The following CHLSN variants were observed in gnomAD, a reference collection of about 807,000 sequenced individuals.
The protein encoded by CHLSN is protein cholesin.
At chr7:997,821 T>C in the CHLSN span, 2 of 1,599,956 alleles carry the variant, frequency 1.3e-6, no homozygotes, top group South Asian at 1.1e-5. Context: ...GGGAAAGAGA[T>C]CGAGTTGGTC....
At chr7:1,051,453 C>CT in the CHLSN span, among the ~76,000 whole-genome samples, 1 of 152,250 alleles carries the variant, frequency 6.6e-6, no homozygotes, top group South Asian at 2.1e-4. Flanking sequence ...GCTGTACACT[C>CT]TGAGGCCAGC....
At chr7:1,000,054 T>G in the CHLSN span, among the ~76,000 whole-genome samples, 1 of 152,202 alleles carries the variant, frequency 6.6e-6, no homozygotes, top group Non-Finnish European at 1.5e-5. Context: ...CACGTGCAGG[T>G]GGCCTCCCTA....
the CHLSN span, among the ~76,000 whole-genome samples, chr7:1,049,747 G>C: frequency 6.6e-6 from 1 of 152,224 alleles, no homozygotes; most frequent in Non-Finnish European, 1.5e-5. Context: ...GCAGCGGCTG[G>C]AATCAGTGGT....
the CHLSN span, chr7:1,127,115 G>C: frequency 3.5e-6 from 3 of 864,122 alleles, no homozygotes; most frequent in Non-Finnish European, 5.0e-6. Flanking sequence ...GCTTCTGGAA[G>C]GCACCAAGCC....
the CHLSN span, among the ~76,000 whole-genome samples, chr7:1,136,038 A>G: frequency 8.4e-6 from 1 of 119,410 alleles, no homozygotes; most frequent in South Asian, 2.4e-4. Context: ...ATATATGTAT[A>G]AATATATAAG....
At chr7:1,130,288 G>A in the CHLSN span, among the ~76,000 whole-genome samples, 4 of 152,240 alleles carry the variant, frequency 2.6e-5, no homozygotes, top group African/African-American at 9.6e-5. Context: ...GAGGCCACCA[G>A]ACTTGGGAGC....
the CHLSN span, among the ~76,000 whole-genome samples, chr7:1,002,347 G>A: frequency 7.6e-6 from 1 of 132,040 alleles, no homozygotes; most frequent in Non-Finnish European, 1.6e-5. Context: ...CCCTGTGGGT[G>A]GGGAGTCCTG....
At chr7:1,029,600 C>G in the CHLSN span, among the ~76,000 whole-genome samples, 1 of 152,230 alleles carries the variant, frequency 6.6e-6, no homozygotes, top group African/African-American at 2.4e-5. Context: ...GGGAGCCGCA[C>G]TGGCCACCCA....
chr7:994,333 G>T, the CHLSN span, among the ~76,000 whole-genome samples: 1 of 151,774 alleles, frequency 6.6e-6, no homozygotes, highest in Non-Finnish European at 1.5e-5. Context: ...GCTAATTTTT[G>T]TATTTTTAGT....
At chr7:1,008,416 C>T in the CHLSN span, among the ~76,000 whole-genome samples, 3 of 152,222 alleles carry the variant, frequency 2.0e-5, no homozygotes, top group African/African-American at 4.8e-5. Flanking sequence ...CTGGGCCAAG[C>T]GCGTTCTTGG....
At chr7:1,076,144 A>C in the CHLSN span, 1 of 152,550 alleles carries the variant, frequency 6.6e-6, no homozygotes, top group Non-Finnish European at 1.5e-5. Context: ...CAAGCAATTG[A>C]GGGAGGCCAA....
chr7:1,046,137 G>A, the CHLSN span, among the ~76,000 whole-genome samples: 6 of 152,200 alleles, frequency 3.9e-5, no homozygotes, highest in South Asian at 2.1e-4. Flanking sequence ...AAATATGCTC[G>A]TGTAATTTAC....
At chr7:1,057,866 G>A in the CHLSN span, 2 of 777,346 alleles carry the variant, frequency 2.6e-6, no homozygotes, top group Admixed American at 1.7e-5. Context: ...TGGTGGCCAT[G>A]TACTCCACCG....
chr7:1,034,681 G>A, the CHLSN span, among the ~76,000 whole-genome samples: 3 of 152,114 alleles, frequency 2.0e-5, no homozygotes, highest in Non-Finnish European at 4.4e-5. Context: ...TTGTGTCATG[G>A]GGGTTTGTTG....
chr7:1,055,832 C>A, the CHLSN span, among the ~76,000 whole-genome samples: 3 of 152,108 alleles, frequency 2.0e-5, no homozygotes, highest in Non-Finnish European at 4.4e-5. Context: ...CCCTGGGCGC[C>A]CCGTGAGGCC....
At chr7:1,018,827 G>A in the CHLSN span, among the ~76,000 whole-genome samples, 4,552 of 152,124 alleles carry the variant, frequency 0.03, 232 homozygotes, top group African/African-American at 0.1. Flanking sequence ...CTTCTACCTC[G>A]GGGGTGGGTG....
chr7:1,022,507 C>T, the CHLSN span, among the ~76,000 whole-genome samples: 1 of 152,176 alleles, frequency 6.6e-6, no homozygotes, highest in Non-Finnish European at 1.5e-5. Context: ...TTTATTTTAA[C>T]GCAATCGCAG....
At chr7:991,017 G>C in the CHLSN span, among the ~76,000 whole-genome samples, 3 of 152,140 alleles carry the variant, frequency 2.0e-5, no homozygotes, top group Non-Finnish European at 4.4e-5. Context: ...GTGGGGTGAA[G>C]GACTCAGGCC....
At chr7:1,135,921 G>GTATATATAAATATATAAGTATATATAAA in the CHLSN span, among the ~76,000 whole-genome samples, 1 of 115,322 alleles carries the variant, frequency 8.7e-6, no homozygotes, top group East Asian at 2.5e-4. Flanking sequence ...ATATATATAA[G>GTATATATAAATATATAAGTATATATAAA]TATATATAAA....
Sources: allele counts gnomAD v4.1 joint callset (sites outside exome capture counted in the v4.1 genomes callset), GRCh38; gene constraint gnomAD v4.1.1; transcripts MANE v1.5; gene names NCBI Gene and HGNC (gene_info 2026-07-23, HGNC 2026-07-21).